Variants in FMO4 observed in about 807,000 individuals in gnomAD.
The protein encoded by FMO4 is dimethylaniline monooxygenase [N-oxide-forming] 4.
FMO4 carries 38 observed loss-of-function variants against 43.3 expected under a neutral mutation model. That is an observed-to-expected ratio of 0.88 (90% confidence interval 0.68 to 1.15). The LOEUF is 1.15. Ranked by LOEUF, FMO4 falls within the 50% of genes most tolerant of loss-of-function variation. The probability of loss-of-function intolerance (pLI) is 0.00; values close to 1 mark genes in which losing one functional copy is unlikely to be tolerated. For synonymous variants in FMO4, 224 were observed against 232.2 expected (o/e 0.96, Z 0.32); for missense variants, 631 against 663.3 (o/e 0.95, Z 0.54).
chr1:171,328,978 A>G (rs1028290501), intron 5 of FMO4, among the ~76,000 whole-genome samples: 1 of 152,202 alleles, frequency 6.6e-6, no homozygotes, highest in African/African-American at 2.4e-5. Flanking sequence ...AATAGTCAAA[A>G]TGTGCAACTG....
chr1:171,327,797 T>A (rs1447617006), intron 5 of FMO4, among the ~76,000 whole-genome samples: 1 of 152,088 alleles, frequency 6.6e-6, no homozygotes, highest in African/African-American at 2.4e-5. Context: ...GTACATGTAG[T>A]CCCAGCTACT....
intron 8 of FMO4, among the ~76,000 whole-genome samples, chr1:171,335,396 A>T (rs913901713): frequency 2.0e-5 from 3 of 152,234 alleles, no homozygotes; most frequent in African/African-American, 7.2e-5. Flanking sequence ...ACAGTACTTG[A>T]CATATAACTA....
At chr1:171,333,800 GATGGTCACACTGAAAAT>G (rs1273420613) in intron 7 of FMO4, among the ~76,000 whole-genome samples, 1 of 152,098 alleles carries the variant, frequency 6.6e-6, no homozygotes, top group Non-Finnish European at 1.5e-5. Flanking sequence ...TAGGTAGAAT[GATGGTCACACTGAAAAT>G]ATGTATCAGT....
In FMO4 at chr1:171,319,964, G is replaced by C; in HGVS notation, c.132+7G>C. Reference sequence around the variant, plus strand: ...GGGATTATGGAAGTTTACTGTACGTGGTTCATCTCTATCAGTCATGATCTG... The same window carrying C: ...GGGATTATGGAAGTTTACTGTACGTCGTTCATCTCTATCAGTCATGATCTG... On this transcript the variant is annotated splice_region_variant and intron_variant, in intron 3 of 9. Transcript: ENST00000367749. The C allele has an allele frequency of 6.2e-7, 1 of 1,613,616 alleles. No individual in the cohort carries two copies. Among genetic ancestry groups the C allele is most frequent in the East Asian group, 2.2e-5 (1 of 44,878 alleles).
At position 171,341,559 on chromosome 1, in the gene FMO4, G is replaced by A. The variant is rs1231575314; in HGVS notation, c.1397G>A (p.Cys466Tyr). 3.7e-6 allele frequency: 6 copies of A among 1,614,026 alleles called. No homozygotes were observed. The highest frequency in any genetic ancestry group is 1.7e-5 in the Admixed American group (1 of 59,978). The change falls in exon 10 of 10, where the codon TGT becomes TAT. Residue 466 changes from cysteine to tyrosine, a missense_variant. Coordinates refer to ENST00000367749, the MANE Select transcript of FMO4 (RefSeq NM_002022.3). ...GCTTGGGAAGTTTTCTTTGGACCATGTACTCCTTATCAGTACCGCCTCATG... is the reference window on the plus strand; with the variant it reads ...GCTTGGGAAGTTTTCTTTGGACCATATACTCCTTATCAGTACCGCCTCATG... ...RLAWEVFFGP[C>Y]TPYQYRLMGP...
intron 3 of FMO4, among the ~76,000 whole-genome samples, chr1:171,320,712 A>G (rs1302676912): frequency 6.6e-6 from 1 of 152,150 alleles, no homozygotes; most frequent in Non-Finnish European, 1.5e-5. Flanking sequence ...CAGAAGGTTT[A>G]TGCCTGTAAT....
rs1235576806 is a variant in FMO4 at position 171,341,975 on chromosome 1, T to C, written c.*136T>C. 2.6e-5 allele frequency: 17 copies of C among 653,488 alleles called. No homozygotes were observed. Among genetic ancestry groups the C allele is most frequent in the Middle Eastern group, 2.6e-4 (1 of 3,788 alleles). 40.5% of individuals were successfully genotyped at this position (653,488 alleles called of 1,614,324 possible). On this transcript the variant is annotated 3_prime_UTR_variant, in exon 10 of 10. Transcript: ENST00000367749. Reference sequence around the variant, plus strand: ...GTCATCTCCTATCTGAATTATTGTATTATCTTCTTCTTTGTTTTCAGTACC... The same window carrying C: ...GTCATCTCCTATCTGAATTATTGTACTATCTTCTTCTTTGTTTTCAGTACC...
intron 9 of FMO4, among the ~76,000 whole-genome samples, chr1:171,339,013 T>C (rs1248631939): frequency 6.6e-6 from 1 of 152,148 alleles, no homozygotes; most frequent in Non-Finnish European, 1.5e-5. Flanking sequence ...AAGTAGAACA[T>C]CGTGGAAGTT....
intron 3 of FMO4, 128 bp downstream of exon 3, chr1:171,320,085 T>C: frequency 1.0e-6 from 1 of 964,148 alleles, no homozygotes; most frequent in South Asian, 1.5e-5. Flanking sequence ...AACAAGTGCA[T>C]AATGCAGTGT....
At chr1:171,327,569 C>CA (rs1184535636) in intron 5 of FMO4, among the ~76,000 whole-genome samples, 1 of 151,906 alleles carries the variant, frequency 6.6e-6, no homozygotes, top group South Asian at 2.1e-4. Flanking sequence ...TCAGCTTTGA[C>CA]AAAATTGAAT....
intron 7 of FMO4, 22 bp downstream of exon 7, chr1:171,332,930 T>C: frequency 9.9e-7 from 1 of 1,007,098 alleles, no homozygotes; most frequent in East Asian, 2.4e-5. Flanking sequence ...TTTTATTTAG[T>C]AGAAAAAATA....
chr1:171,319,423 T>C (rs1393272685), intron 2 of FMO4, among the ~76,000 whole-genome samples: 2 of 152,134 alleles, frequency 1.3e-5, no homozygotes, highest in Non-Finnish European at 2.9e-5. Context: ...AAAGGCAACA[T>C]TGGGGTGCAA....
Position 171,316,503 on chromosome 1 carries a change from C to A in FMO4, c.-9+176C>A, listed in dbSNP as rs186936841. Among the ~76,000 whole-genome samples, 15 of 152,230 alleles carry A rather than the reference C, an allele frequency of 9.9e-5. No individual in the cohort carries two copies. The East Asian group carries it at 1.9e-3, about 20-fold the overall frequency. ...AAGTAATATCAAGTTTTTTAAAATG[C>A]AAACAATCCTTCAACATAGATATTT... On this transcript the variant is annotated intron_variant, in intron 2 of 9. Transcript: ENST00000367749.
intron 5 of FMO4, among the ~76,000 whole-genome samples, chr1:171,330,456 A>ACT (rs1181779822): frequency 1.3e-5 from 2 of 152,226 alleles, no homozygotes; most frequent in Admixed American, 1.3e-4. Flanking sequence ...AAGACTGGGT[A>ACT]ATTCATAAAG....
chr1:171,328,095 C>T (rs1176029167), intron 5 of FMO4, among the ~76,000 whole-genome samples: 3 of 152,018 alleles, frequency 2.0e-5, no homozygotes, highest in Non-Finnish European at 2.9e-5. Flanking sequence ...GGCTGGAGTT[C>T]GATGGCATGA....
chr1:171,315,442 T>TG (rs1000904062), intron 1 of FMO4, among the ~76,000 whole-genome samples: 3 of 152,148 alleles, frequency 2.0e-5, no homozygotes, highest in African/African-American at 7.2e-5. Flanking sequence ...CTTTTTTTTT[T>TG]TGTGCACCAA....
At chr1:171,315,210 T>C (rs1383445028) in intron 1 of FMO4, among the ~76,000 whole-genome samples, 1 of 152,174 alleles carries the variant, frequency 6.6e-6, no homozygotes, top group Non-Finnish European at 1.5e-5. Context: ...GAGAATCACT[T>C]GAACCCAGGA....
rs539130163 is a variant in FMO4, at chr1:171,336,986, C to CACACAT, written c.1181-370_1181-369insACACAT. ...GCACACACACACACACACACACACA[C>CACACAT]GTACAATGTGGAGGGTATACATACA... On this transcript the variant is annotated intron_variant, in intron 8 of 9. Coordinates refer to ENST00000367749, the MANE Select transcript of FMO4 (RefSeq NM_002022.3). Among the ~76,000 whole-genome samples the CACACAT allele has an allele frequency of 1.6e-3, 247 of 151,194 alleles. 2 individuals are homozygous for CACACAT. Among genetic ancestry groups the CACACAT allele is most frequent in the African/African-American group, 5.7e-3 (236 of 41,140 alleles).
intron 5 of FMO4, among the ~76,000 whole-genome samples, chr1:171,326,196 G>T (rs1298780922): frequency 2.6e-5 from 4 of 151,988 alleles, no homozygotes; most frequent in East Asian, 3.9e-4. Context: ...ATAGCTGTAG[G>T]ACCCCTGTTG....
Sources: allele counts gnomAD v4.1 joint callset (sites outside exome capture counted in the v4.1 genomes callset), GRCh38; gene constraint gnomAD v4.1.1; transcripts MANE v1.5; gene names NCBI Gene and HGNC (gene_info 2026-07-23, HGNC 2026-07-21).